Variants in APBB1IP observed in about 807,000 individuals in gnomAD.
APBB1IP encodes amyloid beta A4 precursor protein-binding family B member 1-interacting protein.
Under a neutral mutation model 64.9 loss-of-function variants are expected in APBB1IP, and 27 were observed. The ratio of observed to expected loss-of-function variants is 0.42; its 90% CI spans 0.31 to 0.57. APBB1IP has a LOEUF of 0.57. Ranked by LOEUF, APBB1IP falls within the 20% of genes least tolerant of loss-of-function variation. The pLI is 0.20. For missense variants in APBB1IP, 812 were observed against 845.5 expected, an observed-to-expected ratio of 0.96 and a Z score of 0.49; for synonymous variants, 392 against 331.0, an observed-to-expected ratio of 1.18 and a Z score of -2.00.
chr10:26,529,734 A>G (rs923416744), intron 8 of APBB1IP, among the ~76,000 whole-genome samples: 2 of 152,044 alleles, frequency 1.3e-5, no homozygotes, highest in African/African-American at 4.8e-5. Context: ...TCCACTTCCC[A>G]GTCTCAAGTG....
intron 8 of APBB1IP, among the ~76,000 whole-genome samples, chr10:26,524,442 A>G (rs1346653572): frequency 1.3e-5 from 2 of 152,246 alleles, no homozygotes; most frequent in Non-Finnish European, 2.9e-5. Flanking sequence ...AAATATTTAA[A>G]GAGGGTTATT....
intron 6 of APBB1IP, 50 bp from the exon 7 acceptor site, chr10:26,511,697 C>T (rs750339505): frequency 1.2e-6 from 2 of 1,602,710 alleles, no homozygotes; most frequent in African/African-American, 1.3e-5. Context: ...ATCTTAGTAG[C>T]CTTCTCCAGT....
intron 11 of APBB1IP, among the ~76,000 whole-genome samples, chr10:26,545,135 G>T (rs1204940929): frequency 2.0e-5 from 3 of 152,164 alleles, no homozygotes. Flanking sequence ...TTATTAATTT[G>T]CTGAGTAAAA....
chr10:26,459,063 A>T (rs948745666), intron 2 of APBB1IP, among the ~76,000 whole-genome samples: 5 of 147,720 alleles, frequency 3.4e-5, no homozygotes, highest in African/African-American at 5.0e-5. Flanking sequence ...AGCATTAGGT[A>T]TATCTCCTAA....
chr10:26,458,458 G>A (rs773231865), intron 2 of APBB1IP, among the ~76,000 whole-genome samples: 6 of 151,230 alleles, frequency 4.0e-5, no homozygotes, highest in Non-Finnish European at 7.4e-5. Context: ...AGGGAGAGAG[G>A]GATTACTGAA....
At chr10:26,534,242 C>T (rs1836591135) in intron 9 of APBB1IP, among the ~76,000 whole-genome samples, 1 of 129,878 alleles carries the variant, frequency 7.7e-6, no homozygotes. Flanking sequence ...GGGAGGATCA[C>T]TTGAGTCCAG....
rs145301714 is a variant in APBB1IP, at chr10:26,494,682, G to A, written c.73-1622G>A. Among the ~76,000 whole-genome samples the A allele has an allele frequency of 1.6e-3, 248 of 152,064 alleles. 1 individual carries two copies. Among genetic ancestry groups the A allele is most frequent in the African/African-American group, 5.7e-3 (236 of 41,488 alleles). On this transcript the variant is annotated intron_variant, in intron 3 of 14. Coordinates refer to ENST00000376236, the MANE Select transcript of APBB1IP (RefSeq NM_019043.4). The stretch of plus-strand genomic sequence containing the variant: ...TTTACTAAAAATACAAAAATTAGCC[G>A]AGCGTGGTGGTGGGTGCTTGTAATC...
intron 6 of APBB1IP, among the ~76,000 whole-genome samples, chr10:26,510,404 T>C (rs1836237409): frequency 6.6e-6 from 1 of 152,212 alleles, no homozygotes; most frequent in Non-Finnish European, 1.5e-5. Flanking sequence ...TTATTGTGAA[T>C]TTAATTCAAT....
intron 2 of APBB1IP, among the ~76,000 whole-genome samples, chr10:26,471,312 A>G (rs1264744642): frequency 2.6e-5 from 4 of 152,322 alleles, no homozygotes; most frequent in Non-Finnish European, 4.4e-5. Context: ...CACGGGGCTA[A>G]TTCTGCAAGA....
chr10:26,441,387 C>A (rs2050447), intron 2 of APBB1IP, among the ~76,000 whole-genome samples: 37,754 of 151,896 alleles, frequency 0.25, 4,992 homozygotes, highest in East Asian at 0.49. Context: ...GAGAACTAGC[C>A]GCATGAAGGA....
intron 2 of APBB1IP, among the ~76,000 whole-genome samples, chr10:26,473,043 A>G (rs778484242): frequency 4.1e-4 from 63 of 152,314 alleles, no homozygotes; most frequent in African/African-American, 1.4e-3. Context: ...ACTTCTTTAC[A>G]TTGACAATAC....
intron 6 of APBB1IP, among the ~76,000 whole-genome samples, chr10:26,511,022 T>A (rs11015144): frequency 0.046 from 6,965 of 151,954 alleles, 467 homozygotes; most frequent in African/African-American, 0.15. Context: ...CAACTCCAGC[T>A]AAGCAAAAGA....
chr10:26,567,250 C>G lies in APBB1IP; in HGVS notation c.1763C>G (p.Pro588Arg), dbSNP rs1181122176. The change falls in exon 15 of 15, where the codon CCG becomes CGG. Residue 588 changes from proline to arginine, a missense_variant. Transcript: ENST00000376236. ...PPPDFVPPPPPSYAGIAGSEL... is the reference protein window; with the variant it reads ...PPPDFVPPPPRSYAGIAGSEL... Reference sequence around the variant, plus strand: ...CCAGACTTCGTGCCCCCGCCCCCGCCGTCGTACGCAGGGATCGCGGGCTCA... The same window carrying G: ...CCAGACTTCGTGCCCCCGCCCCCGCGGTCGTACGCAGGGATCGCGGGCTCA... 3.0e-6 allele frequency: 4 copies of G among 1,319,160 alleles called. No homozygotes were observed. The highest frequency in any genetic ancestry group is 1.6e-5 in the African/African-American group (1 of 62,954). 81.7% of individuals were successfully genotyped at this position (1,319,160 alleles called of 1,614,324 possible). A position where few individuals can be genotyped will look rare whatever the true frequency, so the allele number is the denominator to read the frequency against.
At chr10:26,503,496 G>C (rs775717791) in intron 6 of APBB1IP, among the ~76,000 whole-genome samples, 32 of 152,056 alleles carry the variant, frequency 2.1e-4, no homozygotes, top group Non-Finnish European at 4.1e-4. Flanking sequence ...TTAGCTGGGC[G>C]TGGTGGCAGG....
chr10:26,521,748 GTAT>G (rs912042167), intron 8 of APBB1IP, among the ~76,000 whole-genome samples: 4 of 151,950 alleles, frequency 2.6e-5, no homozygotes, highest in South Asian at 2.1e-4. Context: ...TATTTATTAA[GTAT>G]TATTATTATT....
rs774657527 is a variant in APBB1IP at position 26,567,208 on chromosome 10, A to T, written c.1721A>T (p.Asp574Val). ...DDPELPPPPP[D>V]FMEPPPDFVP... ...CCTGAGCTCCCGCCGCCGCCCCCGGACTTCATGGAGCCGCCCCCAGACTTC... is the reference window on the plus strand; with the variant it reads ...CCTGAGCTCCCGCCGCCGCCCCCGGTCTTCATGGAGCCGCCCCCAGACTTC... The change falls in exon 15 of 15, where the codon GAC becomes GTC. Residue 574 changes from aspartate to valine, a missense_variant. Coordinates refer to ENST00000376236, the MANE Select transcript of APBB1IP (RefSeq NM_019043.4). 1 of 1,328,816 alleles carries T rather than the reference A, an allele frequency of 7.5e-7. No individual in the cohort carries two copies. Among genetic ancestry groups the T allele is most frequent in the Non-Finnish European group, 9.7e-7 (1 of 1,035,536 alleles). 82.3% of individuals were successfully genotyped at this position (1,328,816 alleles called of 1,614,324 possible). A position where few individuals can be genotyped will look rare whatever the true frequency, so the allele number is the denominator to read the frequency against.
chr10:26,492,439 T>C (rs780695987), intron 3 of APBB1IP, 41 bp downstream of exon 3: 15 of 1,572,294 alleles, frequency 9.5e-6, no homozygotes, highest in African/African-American at 1.4e-5. Context: ...AAAACAAAAA[T>C]AGAGTTGCAG....
chr10:26,566,572 A>C (rs1837047100), intron 14 of APBB1IP, among the ~76,000 whole-genome samples: 2 of 152,208 alleles, frequency 1.3e-5, no homozygotes, highest in Non-Finnish European at 2.9e-5. Context: ...AAAAAATTAG[A>C]AAAATGATTA....
At chr10:26,488,781 T>A (rs576913760) in intron 2 of APBB1IP, among the ~76,000 whole-genome samples, 3 of 152,236 alleles carry the variant, frequency 2.0e-5, no homozygotes, top group Non-Finnish European at 4.4e-5. Context: ...TCTCTGACTT[T>A]CCCTGCACAC....
Sources: gnomAD v4.1 joint callset for allele counts (sites outside exome capture counted in the v4.1 genomes callset) on GRCh38, gnomAD v4.1.1 for gene constraint, MANE v1.5 for transcripts, NCBI Gene and HGNC (gene_info 2026-07-23, HGNC 2026-07-21) for gene names.